The following NRXN1 variants were observed in gnomAD, a reference collection of about 807,000 sequenced individuals.
The protein encoded by NRXN1 is neurexin 1.
A neutral mutation model predicts 150.9 loss-of-function variants in NRXN1; 39 were observed. That is an observed-to-expected ratio of 0.26 (90% CI 0.20 to 0.34). NRXN1 has a LOEUF of 0.34. Ranked by LOEUF, NRXN1 falls within the 10% of genes least tolerant of loss-of-function variation. The probability of loss-of-function intolerance (pLI) is 1.00; values close to 1 mark genes in which losing one functional copy is unlikely to be tolerated. For synonymous variants in NRXN1, 924 were observed against 757.0 expected (o/e 1.22, Z -3.62); for missense variants, 1,815 against 1,949.9 (o/e 0.93, Z 1.30).
At chr2:50,836,228 T>C (rs1421619932) in intron 5 of NRXN1, among the ~76,000 whole-genome samples, 6 of 152,186 alleles carry the variant, frequency 3.9e-5, no homozygotes, top group African/African-American at 1.2e-4. Context: ...ATAATAATTT[T>C]ACTTATTTAT....
At chr2:50,163,116 AAAT>A (rs10585050) in intron 18 of NRXN1, among the ~76,000 whole-genome samples, 35,805 of 149,054 alleles carry the variant, frequency 0.24, 5,240 homozygotes, top group East Asian at 0.41. Flanking sequence ...TACTGAGCAA[AAAT>A]AATTTCAACT....
At chr2:50,826,414 G>A (rs1024844165) in intron 5 of NRXN1, among the ~76,000 whole-genome samples, 1 of 152,170 alleles carries the variant, frequency 6.6e-6, no homozygotes, top group African/African-American at 2.4e-5. Flanking sequence ...TGGAGTCACA[G>A]ATCATTTGGC....
chr2:50,492,994 T>C (rs2104878672), intron 15 of NRXN1, among the ~76,000 whole-genome samples: 1 of 152,266 alleles, frequency 6.6e-6, no homozygotes, highest in Middle Eastern at 3.4e-3. Context: ...GATCCAGAAA[T>C]ATGAACTTCG....
intron 5 of NRXN1, among the ~76,000 whole-genome samples, chr2:50,649,826 G>A (rs150764766): frequency 1.6e-3 from 241 of 152,084 alleles, no homozygotes; most frequent in African/African-American, 5.7e-3. Flanking sequence ...TCAATGATTA[G>A]GGGCTGATTT....
At chr2:50,608,549 A>G (rs62142326) in intron 8 of NRXN1, among the ~76,000 whole-genome samples, 1 of 54,484 alleles carries the variant, frequency 1.8e-5, no homozygotes, top group Non-Finnish European at 4.7e-5. Context: ...TTGTTTAAAA[A>G]TTGTTCCTAT....
At chr2:50,326,040 A>G (rs755643878) in intron 17 of NRXN1, among the ~76,000 whole-genome samples, 5 of 152,230 alleles carry the variant, frequency 3.3e-5, no homozygotes, top group Non-Finnish European at 4.4e-5. Context: ...AGAAGTTCAA[A>G]GTAAGCATTT....
chr2:50,378,182 A>G (rs2080667568), intron 17 of NRXN1, among the ~76,000 whole-genome samples: 3 of 152,204 alleles, frequency 2.0e-5, no homozygotes, highest in Admixed American at 2.0e-4. Flanking sequence ...CAATGGAGAC[A>G]TGGTCTAATA....
intron 5 of NRXN1, among the ~76,000 whole-genome samples, chr2:50,776,915 A>C (rs1024814227): frequency 6.6e-5 from 10 of 152,164 alleles, no homozygotes; most frequent in Non-Finnish European, 1.3e-4. Context: ...AAGGAAATGC[A>C]ATGCAATCTA....
At chr2:50,016,516 A>G (rs80066171) in intron 21 of NRXN1, 1 of 152,180 alleles carries the variant, frequency 6.6e-6, no homozygotes, top group Non-Finnish European at 1.5e-5. Flanking sequence ...AGGGCTACGG[A>G]GGCCTCAGGA....
chr2:50,709,710 A>G (rs1299519591), intron 5 of NRXN1, among the ~76,000 whole-genome samples: 1 of 152,150 alleles, frequency 6.6e-6, no homozygotes, highest in Non-Finnish European at 1.5e-5. Context: ...ATCCTGGCAG[A>G]CTTTTGGCCC....
chr2:50,305,784 G>T (rs926079525), intron 17 of NRXN1, among the ~76,000 whole-genome samples: 1 of 152,176 alleles, frequency 6.6e-6, no homozygotes, highest in Non-Finnish European at 1.5e-5. Context: ...GACAGAGTCT[G>T]CTCTAAATTG....
intron 17 of NRXN1, among the ~76,000 whole-genome samples, chr2:50,269,106 CTT>C (rs1309724441): frequency 6.6e-6 from 1 of 151,552 alleles, no homozygotes; most frequent in Non-Finnish European, 1.5e-5. Flanking sequence ...GGGAAACAGA[CTT>C]AGACAGGGAA....
chr2:50,307,277 C>G (rs540114189), intron 17 of NRXN1, among the ~76,000 whole-genome samples: 1 of 152,132 alleles, frequency 6.6e-6, no homozygotes, highest in African/African-American at 2.4e-5. Context: ...CCACTGCACC[C>G]GGCCTCTTCC....
intron 18 of NRXN1, among the ~76,000 whole-genome samples, chr2:50,203,645 C>G (rs1358899273): frequency 6.6e-6 from 1 of 152,078 alleles, no homozygotes; most frequent in East Asian, 1.9e-4. Flanking sequence ...TTGTACAAGT[C>G]CATATTCTTA....
intron 21 of NRXN1, among the ~76,000 whole-genome samples, chr2:49,975,101 C>T (rs929009582): frequency 3.9e-4 from 58 of 150,082 alleles, no homozygotes; most frequent in African/African-American, 1.3e-3. Flanking sequence ...GTTATATATA[C>T]ATATACATAC....
intron 2 of NRXN1, among the ~76,000 whole-genome samples, chr2:51,004,487 C>T (rs939708957): frequency 6.6e-6 from 1 of 151,648 alleles, no homozygotes; most frequent in Non-Finnish European, 1.5e-5. Context: ...GAAAACTAGG[C>T]TTTATGGAAG....
chr2:50,760,373 G>A (rs1333632540), intron 5 of NRXN1, among the ~76,000 whole-genome samples: 1 of 151,776 alleles, frequency 6.6e-6, no homozygotes, highest in Non-Finnish European at 1.5e-5. Context: ...CTCTGTTCAG[G>A]CTCCTCTCTT....
At chr2:50,254,370 G>A (rs990093059) in intron 17 of NRXN1, among the ~76,000 whole-genome samples, 4 of 150,626 alleles carry the variant, frequency 2.7e-5, no homozygotes, top group African/African-American at 9.8e-5. Flanking sequence ...ACCAGCTCCT[G>A]GATTCATTGA....
intron 19 of NRXN1, among the ~76,000 whole-genome samples, chr2:50,086,821 TGAGAGAGA>T (rs3046671): frequency 9.8e-5 from 14 of 142,838 alleles, no homozygotes; most frequent in South Asian, 2.3e-4. Flanking sequence ...CAGAGAAGAA[TGAGAGAGA>T]GAGAGAGAGA....
Sources: gnomAD v4.1 joint callset for allele counts (sites outside exome capture counted in the v4.1 genomes callset) on GRCh38, gnomAD v4.1.1 for gene constraint, MANE v1.5 for transcripts, NCBI Gene and HGNC (gene_info 2026-07-23, HGNC 2026-07-21) for gene names.